The following PRKD1 variants were observed in gnomAD, a reference collection of about 807,000 sequenced individuals.
PRKD1 encodes protein kinase D1.
In PRKD1, 63 loss-of-function variants were observed where a neutral mutation model predicts 95.9. The observed-to-expected ratio is 0.66, with a 90% CI of 0.54 to 0.81. The LOEUF is 0.81. PRKD1 is among the 30% of genes least tolerant of loss of function. The pLI is 0.00. For synonymous variants in PRKD1, 425 were observed against 423.1 expected, an observed-to-expected ratio of 1.00 and a Z score of -0.05; for missense variants, 1,048 against 1,165.3, an observed-to-expected ratio of 0.90 and a Z score of 1.47.
At position 29,729,594 on chromosome 14, in the gene PRKD1, T is replaced by C. The variant is rs559917121; in HGVS notation, c.265-3920A>G. Among the ~76,000 whole-genome samples, 32 of 152,194 alleles carry C rather than the reference T, an allele frequency of 2.1e-4. No homozygotes were observed. In the South Asian group the frequency reaches 4.6e-3, roughly 22 times the overall value. On this transcript the variant is annotated intron_variant, in intron 1 of 17. Transcript: ENST00000331968. Reference sequence around the variant, plus strand: ...TCAATTTTATCAATTTCTCTTGTAATGAACCAGCAGTTGTTTCATGGAATT... The same window carrying C: ...TCAATTTTATCAATTTCTCTTGTAACGAACCAGCAGTTGTTTCATGGAATT...
At chr14:29,812,128 T>C (rs1479989336) in intron 1 of PRKD1, 5 of 152,222 alleles carry the variant, frequency 3.3e-5, no homozygotes, top group African/African-American at 1.2e-4. Flanking sequence ...ATCTTAGCTA[T>C]GATACTAAAC....
intron 16 of PRKD1, among the ~76,000 whole-genome samples, chr14:29,586,113 C>G (rs1266566564): frequency 1.3e-5 from 2 of 152,262 alleles, no homozygotes; most frequent in Non-Finnish European, 2.9e-5. Flanking sequence ...TAGCAAGGAG[C>G]TAGAGGTATG....
At chr14:29,594,353 A>G (rs1275857809) in intron 16 of PRKD1, among the ~76,000 whole-genome samples, 1 of 152,198 alleles carries the variant, frequency 6.6e-6, no homozygotes, top group South Asian at 2.1e-4. Context: ...TTAAAATGAT[A>G]CGATCGATCT....
intron 1 of PRKD1, among the ~76,000 whole-genome samples, 191 bp downstream of exon 1, chr14:29,927,058 G>A (rs144773678): frequency 1.3e-5 from 2 of 152,006 alleles, no homozygotes; most frequent in East Asian, 2.0e-4. Flanking sequence ...AGAGGAGGAT[G>A]AGCAACAGCG....
intron 1 of PRKD1, among the ~76,000 whole-genome samples, chr14:29,775,691 C>G (rs1308294329): frequency 6.6e-6 from 1 of 152,136 alleles, no homozygotes; most frequent in Non-Finnish European, 1.5e-5. Flanking sequence ...AGGAGGCCTC[C>G]CTGCCTCTGT....
At chr14:29,666,467 A>C (rs1882516861) in intron 2 of PRKD1, among the ~76,000 whole-genome samples, 1 of 151,968 alleles carries the variant, frequency 6.6e-6, no homozygotes, top group Admixed American at 6.6e-5. Context: ...ACAGCCAAAA[A>C]AATAGCAGAA....
At position 29,700,673 on chromosome 14, in the gene PRKD1, T is replaced by C. The variant is rs188524788; in HGVS notation, c.403+24863A>G. 1.3e-3 allele frequency among the ~76,000 whole-genome samples: 202 copies of C among 152,280 alleles called. 1 individual carries two copies. Among genetic ancestry groups the C allele is most frequent in the Non-Finnish European group, 1.2e-3 (79 of 68,022 alleles). ...ATTATTCTAGATATTTCTGTGAAGGTATTTCTTGATGAGATTCCGGTAGAC... is the reference window on the plus strand; with the variant it reads ...ATTATTCTAGATATTTCTGTGAAGGCATTTCTTGATGAGATTCCGGTAGAC... On this transcript the variant is annotated intron_variant, in intron 2 of 17. Coordinates refer to ENST00000331968, the MANE Select transcript of PRKD1 (RefSeq NM_002742.3).
chr14:29,708,896 T>C (rs1885210459), intron 2 of PRKD1, among the ~76,000 whole-genome samples: 1 of 152,092 alleles, frequency 6.6e-6, no homozygotes, highest in Non-Finnish European at 1.5e-5. Flanking sequence ...GGTCTTTAAA[T>C]AAAAATAAAG....
chr14:29,857,498 G>C (rs1408228942), intron 1 of PRKD1, among the ~76,000 whole-genome samples: 1 of 152,204 alleles, frequency 6.6e-6, no homozygotes, highest in African/African-American at 2.4e-5. Context: ...GCCCACAGTA[G>C]GTCCTCTACA....
intron 1 of PRKD1, among the ~76,000 whole-genome samples, chr14:29,749,434 C>T (rs895932852): frequency 2.6e-5 from 4 of 152,078 alleles, no homozygotes; most frequent in South Asian, 2.1e-4. Flanking sequence ...GTGCTGGGGA[C>T]GGCACACAGG....
intron 1 of PRKD1, among the ~76,000 whole-genome samples, chr14:29,728,543 T>C (rs1444252294): frequency 6.6e-6 from 1 of 152,206 alleles, no homozygotes; most frequent in East Asian, 1.9e-4. Flanking sequence ...ATGTACTCTT[T>C]TCTGGCTGGC....
intron 1 of PRKD1, among the ~76,000 whole-genome samples, chr14:29,914,289 A>G (rs906146560): frequency 6.6e-6 from 1 of 152,238 alleles, no homozygotes; most frequent in Non-Finnish European, 1.5e-5. Flanking sequence ...TGGAAAGAAA[A>G]CTTCTACTTA....
At chr14:29,708,977 C>A (rs180853184) in intron 2 of PRKD1, among the ~76,000 whole-genome samples, 168 of 152,248 alleles carry the variant, frequency 1.1e-3, no homozygotes, top group Admixed American at 3.5e-3. Context: ...ACTTTATTAA[C>A]TTTTACTATA....
intron 1 of PRKD1, among the ~76,000 whole-genome samples, chr14:29,759,298 T>C (rs928229426): frequency 4.6e-5 from 7 of 151,890 alleles, no homozygotes; most frequent in Admixed American, 3.9e-4. Flanking sequence ...GAATATTCCA[T>C]GTGCACACCT....
chr14:29,615,013 A>C (rs1046832495), intron 13 of PRKD1, among the ~76,000 whole-genome samples: 8 of 152,030 alleles, frequency 5.3e-5, no homozygotes, highest in Non-Finnish European at 1.2e-4. Context: ...TACCCAGCCA[A>C]TATACACATA....
chr14:29,617,220 T>C (rs1042855202), intron 13 of PRKD1, among the ~76,000 whole-genome samples: 1 of 152,202 alleles, frequency 6.6e-6, no homozygotes, highest in Non-Finnish European at 1.5e-5. Flanking sequence ...TTTAGGTTGA[T>C]TCTGTATCTT....
chr14:29,851,166 GC>G (rs914246147), intron 1 of PRKD1, among the ~76,000 whole-genome samples: 75 of 152,182 alleles, frequency 4.9e-4, no homozygotes, highest in African/African-American at 1.7e-3. Flanking sequence ...ATTGGCCTGG[GC>G]AAAGAATTTA....
At chr14:29,681,005 GGTTA>G (rs1883510451) in intron 2 of PRKD1, among the ~76,000 whole-genome samples, 1 of 152,156 alleles carries the variant, frequency 6.6e-6, no homozygotes, top group African/African-American at 2.4e-5. Context: ...TTTACCATCT[GGTTA>G]GTTACAGACG....
At chr14:29,786,431 A>G (rs867351475) in intron 1 of PRKD1, among the ~76,000 whole-genome samples, 1 of 152,090 alleles carries the variant, frequency 6.6e-6, no homozygotes, top group Non-Finnish European at 1.5e-5. Flanking sequence ...GTTCTTCTTT[A>G]TAAGTTTGGT....
Sources: gnomAD v4.1 joint callset for allele counts (sites outside exome capture counted in the v4.1 genomes callset) on GRCh38, gnomAD v4.1.1 for gene constraint, MANE v1.5 for transcripts, NCBI Gene and HGNC (gene_info 2026-07-23, HGNC 2026-07-21) for gene names.